The following CFAP46 variants were observed in gnomAD, a reference collection of about 807,000 sequenced individuals.
CFAP46 encodes the protein cilia- and flagella-associated protein 46.
Under a neutral mutation model 325.7 loss-of-function variants are expected in CFAP46, and 245 were observed. The ratio of observed to expected loss-of-function variants is 0.75; its 90% CI spans 0.68 to 0.84. The LOEUF is 0.84. Ranked by LOEUF, CFAP46 falls within the 40% of genes least tolerant of loss-of-function variation. The probability of loss-of-function intolerance (pLI) is 0.00; values close to 1 mark genes in which losing one functional copy is unlikely to be tolerated. For synonymous variants in CFAP46, 1,523 were observed against 1,495.9 expected, an observed-to-expected ratio of 1.02 and a Z score of -0.42; for missense variants, 3,346 against 3,543.0, an observed-to-expected ratio of 0.94 and a Z score of 1.41.
At chr10:132,904,406 A>G (rs113333185) in intron 22 of CFAP46, among the ~76,000 whole-genome samples, 1 of 18,230 alleles carries the variant, frequency 5.5e-5, no homozygotes, top group Non-Finnish European at 1.1e-4. Context: ...TCCCGCTGGG[A>G]CGCAATGACA....
At chr10:132,837,712 C>T (rs1259552742) in intron 44 of CFAP46, among the ~76,000 whole-genome samples, 3 of 145,772 alleles carry the variant, frequency 2.1e-5, no homozygotes, top group African/African-American at 7.6e-5. Flanking sequence ...CACACACAGA[C>T]ATGCACGGAC....
chr10:132,840,027 CTA>C (rs1166746388), intron 44 of CFAP46, among the ~76,000 whole-genome samples: 1 of 150,968 alleles, frequency 6.6e-6, no homozygotes, highest in Non-Finnish European at 1.5e-5. Context: ...TTTCTACTTT[CTA>C]TGAGTTTTCA....
At chr10:132,882,052 T>C (rs961098694) in intron 27 of CFAP46, among the ~76,000 whole-genome samples, 2 of 146,394 alleles carry the variant, frequency 1.4e-5, no homozygotes, top group Non-Finnish European at 1.5e-5. Context: ...ATGTGGGGGG[T>C]GTGTGGTGCG....
Position 132,867,827 on chromosome 10 carries a change from C to T in CFAP46, c.4611-320G>A, listed in dbSNP as rs146020463. ...CTGTGCCTCCCGCGGGCACCCCCAC[C>T]GGAAAGTTCGGAACCAACTACAGGT... On this transcript the variant is annotated intron_variant, in intron 33 of 57. Transcript: ENST00000368586. Among the ~76,000 whole-genome samples the T allele has an allele frequency of 5.7e-4, 87 of 152,238 alleles. 1 individual carries two copies. Among genetic ancestry groups the T allele is most frequent in the African/African-American group, 2.0e-3 (84 of 41,548 alleles).
chr10:132,811,707 T>C (rs968822578), intron 55 of CFAP46, among the ~76,000 whole-genome samples: 3 of 152,210 alleles, frequency 2.0e-5, no homozygotes, highest in African/African-American at 7.2e-5. Flanking sequence ...TCTTCTACTT[T>C]ACTCACTGCC....
At chr10:132,810,339 G>A in intron 57 of CFAP46, 70 bp downstream of exon 57, 1 of 1,296,888 alleles carries the variant, frequency 7.7e-7, no homozygotes, top group Non-Finnish European at 1.1e-6. Context: ...GCTGTGCAGT[G>A]CACGTGCCCC....
At chr10:132,908,856 G>A (rs1205212773) in intron 21 of CFAP46, among the ~76,000 whole-genome samples, 2 of 152,278 alleles carry the variant, frequency 1.3e-5, no homozygotes, top group Non-Finnish European at 2.9e-5. Context: ...CACGGGACTG[G>A]CGTGTGCAGC....
intron 50 of CFAP46, among the ~76,000 whole-genome samples, chr10:132,823,648 C>CTG (rs1196231559): frequency 8.8e-4 from 86 of 97,324 alleles, no homozygotes; most frequent in African/African-American, 3.7e-3. Context: ...CTGATGTGTG[C>CTG]TGTGTGTGCT....
rs550245723 is a variant in CFAP46 at position 132,909,912 on chromosome 10, C to T, written c.2649+7G>A. The stretch of plus-strand genomic sequence containing the variant: ...GTCAGAGCCCAGATGTGGGCAGGGG[C>T]GCCCACCTGCTCCTCGGTGCCCAGC... On this transcript the variant is annotated splice_region_variant and intron_variant, in intron 20 of 57. Transcript: ENST00000368586. 2.2e-4 allele frequency: 318 copies of T among 1,440,436 alleles called. 2 individuals are homozygous for T. The African/African-American group carries it at 3.5e-3, about 16-fold the overall frequency. 89.2% of individuals were successfully genotyped at this position (1,440,436 alleles called of 1,614,324 possible).
Position 132,820,946 on chromosome 10 carries a change from CTGTGTGTGCTGATGTGTGCTG to C in CFAP46, c.7118-6053_7118-6033del, listed in dbSNP as rs1847795041. Among the ~76,000 whole-genome samples, 30 of 77,488 alleles carry C rather than the reference CTGTGTGTGCTGATGTGTGCTG, an allele frequency of 3.9e-4. 1 individual carries two copies. The highest frequency in any genetic ancestry group is 8.1e-4 in the African/African-American group (18 of 22,148). 50.8% of individuals were successfully genotyped at this position (77,488 alleles called of 152,430 possible). A position where few individuals can be genotyped will look rare whatever the true frequency, so the allele number is the denominator to read the frequency against. On this transcript the variant is annotated intron_variant, in intron 50 of 57. Transcript: ENST00000368586. ...TGTGCTGTGTGTGCGCTGATGTGTGCTGTGTGTGCTGATGTGTGCTGTGTGTGTGCTGATGTGTGCTGTGTG... is the reference window on the plus strand; with the variant it reads ...TGTGCTGTGTGTGCGCTGATGTGTGCTGTGTGTGCTGATGTGTGCTGTGTG...
intron 17 of CFAP46, among the ~76,000 whole-genome samples, 193 bp from the exon 18 acceptor site, chr10:132,913,451 G>A (rs1055996691): frequency 1.3e-5 from 2 of 152,152 alleles, no homozygotes; most frequent in Non-Finnish European, 2.9e-5. Context: ...CCCGCCTCCC[G>A]TCCCATCAAC....
Position 132,808,964 on chromosome 10 carries a change from G to A in CFAP46, c.7665-60C>T, listed in dbSNP as rs1847524284. The A allele has an allele frequency of 1.4e-6, 2 of 1,476,064 alleles. No homozygotes were observed. Among genetic ancestry groups the A allele is most frequent in the Non-Finnish European group, 1.8e-6 (2 of 1,098,170 alleles). The allele number at this position is 1,476,064 out of a possible 1,614,324, so 91.4% of individuals were successfully genotyped here. ...GGCCCCGCAGGACGTCCAGCCCGGT[G>A]AGGACCAGGGCACAGGGGCGGGAAG... On this transcript the variant is annotated intron_variant, in intron 57 of 57. Transcript: ENST00000368586. The surrounding 1 kb of genome is among the most constrained non-coding windows in gnomAD (Gnocchi z 6.8).
At chr10:132,880,588 T>C (rs1674587133) in intron 28 of CFAP46, among the ~76,000 whole-genome samples, 1 of 152,200 alleles carries the variant, frequency 6.6e-6, no homozygotes, top group Non-Finnish European at 1.5e-5. Context: ...GGATGGAACC[T>C]TTCTGTGAAG....
At position 132,910,026 on chromosome 10, in the gene CFAP46, C is replaced by CG. The variant is rs1487184424; in HGVS notation, c.2541dup (p.Glu848ArgfsTer40). ...CGGGTGCCGGTGGGCACCGTCTCCT[C>CG]GGGCGCACTCCCATTGGTCAGGTTC... On this transcript the variant is annotated frameshift_variant, in exon 20 of 58. Coordinates refer to ENST00000368586, the MANE Select transcript of CFAP46 (RefSeq NM_001200049.3). LOFTEE classifies it high-confidence loss of function. 3 of 1,537,234 alleles carry CG rather than the reference C, an allele frequency of 2.0e-6. No homozygotes were observed. Among genetic ancestry groups the CG allele is most frequent in the Non-Finnish European group, 2.6e-6 (3 of 1,141,506 alleles).
chr10:132,847,167 G>T lies in CFAP46; in HGVS notation c.6087+20C>A. On this transcript the variant is annotated intron_variant, in intron 42 of 57. Coordinates refer to ENST00000368586, the MANE Select transcript of CFAP46 (RefSeq NM_001200049.3). This position sits in a 1 kb window ranked among gnomAD's most constrained non-coding sequence, Gnocchi z 5.2. ...GGCTCCGGGCAGAGGCCACACGAGG[G>T]GCAGGAGGGGCAGCCGCACCTTCAG... 1 of 1,609,220 alleles carries T rather than the reference G, an allele frequency of 6.2e-7. No homozygotes were observed. The highest frequency in any genetic ancestry group is 8.5e-7 in the Non-Finnish European group (1 of 1,178,604).
chr10:132,878,494 C>T (rs1049897686), intron 29 of CFAP46, among the ~76,000 whole-genome samples: 7 of 152,166 alleles, frequency 4.6e-5, no homozygotes, highest in African/African-American at 7.2e-5. Flanking sequence ...GCGGGCCCCT[C>T]GCGGCCCTGA....
At chr10:132,929,215 CTAATAA>C in intron 9 of CFAP46, 1 of 432,256 alleles carries the variant, frequency 2.3e-6, no homozygotes. Context: ...ATAACAATAA[CTAATAA>C]TAAGATACAA....
intron 33 of CFAP46, among the ~76,000 whole-genome samples, chr10:132,867,761 T>C (rs1848838044): frequency 6.6e-6 from 1 of 152,180 alleles, no homozygotes; most frequent in Non-Finnish European, 1.5e-5. Context: ...TTAATGAGCA[T>C]CTCCGACTCC....
intron 39 of CFAP46, among the ~76,000 whole-genome samples, chr10:132,852,070 T>G (rs74332971): frequency 1.3e-5 from 2 of 149,968 alleles, no homozygotes; most frequent in East Asian, 4.0e-4. Flanking sequence ...CTCCATTTAC[T>G]TAAGAATTCT....
Sources: allele counts gnomAD v4.1 joint callset (sites outside exome capture counted in the v4.1 genomes callset), GRCh38; gene constraint gnomAD v4.1.1; non-coding constraint Gnocchi (gnomAD v3.1); transcripts MANE v1.5; gene names NCBI Gene and HGNC (gene_info 2026-07-23, HGNC 2026-07-21).